Variants in HDLBP observed in about 807,000 individuals in gnomAD.
The protein encoded by HDLBP is high density lipoprotein binding protein.
HDLBP carries 30 observed loss-of-function variants against 137.3 expected under a neutral mutation model. The ratio of observed to expected loss-of-function variants is 0.22; its 90% confidence interval spans 0.16 to 0.30. The LOEUF is 0.30. Ranked by LOEUF, HDLBP falls within the 10% of genes least tolerant of loss-of-function variation. The pLI is 1.00. For synonymous variants in HDLBP, 606 were observed against 596.0 expected (o/e 1.02, Z -0.24); for missense variants, 1,119 against 1,667.3 (o/e 0.67, Z 5.73).
At chr2:241,250,191 C>T in intron 11 of HDLBP, 1 of 460,918 alleles carries the variant, frequency 2.2e-6, no homozygotes, top group Non-Finnish European at 3.8e-6. Context: ...TTCTGGAGGA[C>T]AGGCTCTCAG....
intron 1 of HDLBP, among the ~76,000 whole-genome samples, chr2:241,284,050 A>G (rs1026600831): frequency 2.6e-4 from 40 of 152,122 alleles, no homozygotes; most frequent in Admixed American, 2.6e-4. Context: ...GATTCCTTTC[A>G]AAACATTACT....
rs2070522004 is a variant in HDLBP at position 241,236,741 on chromosome 2, C to T, written c.2778G>A (p.Glu926=). 6.2e-7 allele frequency: 1 copy of T among 1,614,060 alleles called. No individual in the cohort carries two copies. The highest frequency in any genetic ancestry group is 1.7e-5 in the Admixed American group (1 of 60,002). Residue 926 remains glutamate, a synonymous_variant, in exon 21 of 28, where the codon GAG becomes GAA. Transcript: ENST00000310931. ...TCCCCTCCCCAGCTTCGTCCCCATT[C>T]TCCTGGACAACTGGCTCTGTACTGT... ...AVHSTEPVVQ[E]NGDEAGEGRE... is the part of the protein sequence containing the mutation.
intron 1 of HDLBP, among the ~76,000 whole-genome samples, chr2:241,282,840 A>G (rs529974247): frequency 6.6e-6 from 1 of 152,254 alleles, no homozygotes; most frequent in East Asian, 1.9e-4. Context: ...CGATCCCTAG[A>G]CACAATATTG....
chr2:241,273,086 C>A, intron 1 of HDLBP: 2 of 985,538 alleles, frequency 2.0e-6, no homozygotes, highest in Non-Finnish European at 2.4e-6. Flanking sequence ...TGGAAACAAC[C>A]GAAGACCAGA....
At chr2:241,275,061 T>G (rs971081285) in intron 1 of HDLBP, among the ~76,000 whole-genome samples, 2 of 152,236 alleles carry the variant, frequency 1.3e-5, no homozygotes, top group Non-Finnish European at 2.9e-5. Context: ...TATCCTGAGC[T>G]GGCAGACAGA....
chr2:241,315,600 G>A lies in HDLBP; in HGVS notation c.-133C>T, dbSNP rs1331504293. The A allele has an allele frequency of 6.6e-6, 1 of 152,166 alleles. No homozygotes were observed. The highest frequency in any genetic ancestry group is 1.5e-5 in the Non-Finnish European group (1 of 68,074). The allele number at this position is 152,166 out of a possible 1,614,324, so 9.4% of individuals were successfully genotyped here. A position where few individuals can be genotyped will look rare whatever the true frequency, so the allele number is the denominator to read the frequency against. On this transcript the variant is annotated 5_prime_UTR_variant, in exon 1 of 28. Transcript: ENST00000310931. ...CCACTCTTATAAGCATAAGAAAACC[G>A]AGCTCATAAGGTAGGAACTGTGGCG... is the stretch of plus-strand genomic sequence containing the variant.
At chr2:241,271,062 C>G in intron 1 of HDLBP, 3 of 985,402 alleles carry the variant, frequency 3.0e-6, no homozygotes, top group Non-Finnish European at 3.6e-6. Flanking sequence ...ATGACAAAAT[C>G]TACAACTTCT....
At chr2:241,234,425 G>C (rs909403597) in intron 23 of HDLBP, among the ~76,000 whole-genome samples, 1 of 152,206 alleles carries the variant, frequency 6.6e-6, no homozygotes, top group South Asian at 2.1e-4. Flanking sequence ...CTGGCTGCAG[G>C]AGACAACCCA....
At chr2:241,251,602 AAC>A (rs2072178378) in intron 11 of HDLBP, among the ~76,000 whole-genome samples, 1 of 152,264 alleles carries the variant, frequency 6.6e-6, no homozygotes, top group Admixed American at 6.5e-5. Flanking sequence ...ACCCAAAGGT[AAC>A]ACACGCGACG....
At chr2:241,300,086 G>A (rs559886342) in intron 1 of HDLBP, among the ~76,000 whole-genome samples, 60 of 151,624 alleles carry the variant, frequency 4.0e-4, no homozygotes, top group African/African-American at 1.1e-3. Flanking sequence ...TCTGGTTCAC[G>A]TTCTTTCATG....
In HDLBP at chr2:241,246,813, G is replaced by C. The variant is rs746261841; in HGVS notation, c.1889C>G (p.Thr630Arg). Residue 630 changes from threonine (T) to arginine (R), a missense_variant, in exon 16 of 28, where the codon ACA becomes AGA. Physicochemically the swap from Thr to Arg is moderately conservative, Grantham distance 71. Transcript: ENST00000310931. ...ENSNSETIII[T>R]GKRANCEAAR... ...AGCTTCGCAGTTGGCTCGCTTGCCT[G>C]TGATGATAATGGTCTCTGAATTGCT... 8 of 1,614,014 alleles carry C rather than the reference G, an allele frequency of 5.0e-6. No individual in the cohort carries two copies. The highest frequency in any genetic ancestry group is 2.2e-5 in the East Asian group (1 of 44,894).
intron 1 of HDLBP, among the ~76,000 whole-genome samples, chr2:241,279,570 A>C (rs2074522781): frequency 6.6e-6 from 1 of 152,198 alleles, no homozygotes; most frequent in Non-Finnish European, 1.5e-5. Context: ...CGCAGACACC[A>C]CAGACACTGA....
chr2:241,255,797 A>T (rs2072566581), intron 7 of HDLBP, among the ~76,000 whole-genome samples: 1 of 152,210 alleles, frequency 6.6e-6, no homozygotes, highest in Admixed American at 6.5e-5. Context: ...GCCGGCTGAT[A>T]ACTTCGTCCT....
At chr2:241,295,824 G>GC (rs1423873823) in intron 1 of HDLBP, among the ~76,000 whole-genome samples, 2 of 152,182 alleles carry the variant, frequency 1.3e-5, no homozygotes, top group Non-Finnish European at 2.9e-5. Context: ...CCATGCAGCT[G>GC]CAAGCCAAGG....
At position 241,253,459 on chromosome 2, in the gene HDLBP, G is replaced by A. The variant is rs1337438611; in HGVS notation, c.1227C>T (p.Thr409=). ...IEFTEGEDKI[T]LEGPTEDVNV... ...TGACATCCTCTGTAGGGCCCTCCAG[G>A]GTGATCTTGTCTTCGCCCTCTGTGA... Residue 409 remains threonine (T), a synonymous_variant, in exon 10 of 28, where the codon ACC becomes ACT. Transcript: ENST00000310931. 2 of 1,613,622 alleles carry A rather than the reference G, an allele frequency of 1.2e-6. No individual in the cohort carries two copies. The highest frequency in any genetic ancestry group is 2.7e-5 in the African/African-American group (2 of 74,890).
chr2:241,273,486 C>T (rs2074267344), intron 1 of HDLBP: 3 of 633,348 alleles, frequency 4.7e-6, no homozygotes, highest in Non-Finnish European at 3.9e-6. Flanking sequence ...CTGGGCGGAA[C>T]GGAATCCCTA....
intron 16 of HDLBP, among the ~76,000 whole-genome samples, chr2:241,244,311 G>A (rs1244241109): frequency 1.3e-5 from 2 of 152,180 alleles, no homozygotes. Flanking sequence ...ACCAAAAATT[G>A]TCCACATTTG....
intron 8 of HDLBP, 66 bp from the exon 9 acceptor site, chr2:241,255,224 C>A: frequency 6.6e-7 from 1 of 1,509,866 alleles, no homozygotes; most frequent in Non-Finnish European, 9.2e-7. Flanking sequence ...GAAAGCCAGG[C>A]TGCTCACCTG....
At chr2:241,314,673 C>T (rs1366405323) in intron 1 of HDLBP, among the ~76,000 whole-genome samples, 2 of 152,216 alleles carry the variant, frequency 1.3e-5, no homozygotes, top group Non-Finnish European at 1.5e-5. Context: ...CATGTCAAGT[C>T]TGACCCTCTC....
Sources: gnomAD v4.1 joint callset for allele counts (sites outside exome capture counted in the v4.1 genomes callset) on GRCh38, gnomAD v4.1.1 for gene constraint, MANE v1.5 for transcripts, NCBI Gene and HGNC (gene_info 2026-07-23, HGNC 2026-07-21) for gene names.